Variants in CEP170B observed in about 807,000 individuals in gnomAD.
CEP170B encodes the protein centrosomal protein 170B.
Under a neutral mutation model 120.6 loss-of-function variants are expected in CEP170B, and 55 were observed. The observed-to-expected ratio is 0.46, with a 90% confidence interval of 0.37 to 0.57. The LOEUF (loss-of-function observed/expected upper bound fraction) is 0.57, where lower values mean the gene tolerates loss of function less well. Among genes scored for constraint, CEP170B ranks in the 20% least tolerant of loss-of-function variants. The pLI is 0.00. For missense variants in CEP170B, 2,212 were observed against 2,253.3 expected (o/e 0.98, Z 0.37); for synonymous variants, 1,033 against 954.5 (o/e 1.08, Z -1.52).
chr14:104,882,984 G>T, intron 7 of CEP170B, 51 bp from the exon 8 acceptor site: 1 of 1,468,052 alleles, frequency 6.8e-7, no homozygotes. Flanking sequence ...GAGGAGGGTG[G>T]TGGCAGGTGG....
chr14:104,893,381 G>A (rs1325429154), intron 14 of CEP170B, 142 bp from the exon 15 acceptor site: 11 of 1,140,552 alleles, frequency 9.6e-6, no homozygotes, highest in Middle Eastern at 3.0e-4. Flanking sequence ...CCTCCATGGC[G>A]GGGCAGGGGC....
Position 104,895,316 on chromosome 14 carries a change from A to G in CEP170B, c.*358A>G. 1 of 222,188 alleles carries G rather than the reference A, an allele frequency of 4.5e-6. No individual in the cohort carries two copies. The highest frequency in any genetic ancestry group is 1.0e-4 in the East Asian group (1 of 9,956). 13.8% of individuals were successfully genotyped at this position (222,188 alleles called of 1,614,324 possible). A position where few individuals can be genotyped will look rare whatever the true frequency, so the allele number is the denominator to read the frequency against. ...AGGAAAGAGTTGTTGGTGCCATTGC[A>G]GGTGCCCCCTCCAGGCCTGACTGGC... On this transcript the variant is annotated 3_prime_UTR_variant, in exon 19 of 19. Transcript: ENST00000414716.
At chr14:104,894,033 C>A (rs1226310217) in intron 16 of CEP170B, 184 bp downstream of exon 16, 3 of 678,726 alleles carry the variant, frequency 4.4e-6, no homozygotes, top group East Asian at 2.7e-5. Flanking sequence ...CTCAGAGGAG[C>A]CAGCGCCTCC....
chr14:104,880,018 T>C (rs1296771623), intron 5 of CEP170B, among the ~76,000 whole-genome samples: 1 of 152,042 alleles, frequency 6.6e-6, no homozygotes, highest in Non-Finnish European at 1.5e-5. Context: ...GCCCCCACTC[T>C]GATGATCGCA....
chr14:104,890,565 G>T (rs1896783168), intron 13 of CEP170B, among the ~76,000 whole-genome samples: 2 of 133,084 alleles, frequency 1.5e-5, no homozygotes, highest in East Asian at 2.2e-4. Context: ...TGGGTGGGTG[G>T]GTGGATGGAT....
chr14:104,885,291 G>T, intron 9 of CEP170B, 78 bp from the exon 10 acceptor site: 1 of 1,434,034 alleles, frequency 7.0e-7, no homozygotes, highest in East Asian at 2.6e-5. Context: ...CTGTGGCCTG[G>T]GGGTGGCCAG....
At chr14:104,880,566 A>G (rs997332788) in intron 6 of CEP170B, 141 bp downstream of exon 6, 3 of 1,263,712 alleles carry the variant, frequency 2.4e-6, no homozygotes, top group Non-Finnish European at 3.3e-6. Context: ...GCACACACCT[A>G]CCCTTGCACA....
intron 2 of CEP170B, among the ~76,000 whole-genome samples, chr14:104,875,234 C>T (rs1045109973): frequency 2.9e-4 from 44 of 152,214 alleles, no homozygotes; most frequent in African/African-American, 1.0e-3. Flanking sequence ...GGTTGCAGGC[C>T]GTCCTGTCCC....
intron 6 of CEP170B, 59 bp from the exon 7 acceptor site, chr14:104,882,669 C>A (rs548102299): frequency 1.3e-4 from 180 of 1,416,948 alleles, no homozygotes; most frequent in Admixed American, 3.6e-4. Context: ...TGCCAGTTCT[C>A]TGCTTTTCAC....
At chr14:104,893,940 C>A in intron 16 of CEP170B, 91 bp downstream of exon 16, 1 of 1,207,904 alleles carries the variant, frequency 8.3e-7, no homozygotes, top group Non-Finnish European at 1.2e-6. Context: ...TCAAGGGCAG[C>A]GGTTTCATGG....
intron 2 of CEP170B, among the ~76,000 whole-genome samples, chr14:104,872,176 CGTGTGTGTG>C (rs1566851899): frequency 8.5e-5 from 11 of 129,870 alleles, no homozygotes; most frequent in Middle Eastern, 6.0e-3. Context: ...CGTGTGTGTG[CGTGTGTGTG>C]CTGTGTGTGT....
In CEP170B at chr14:104,887,580, G is replaced by A; in HGVS notation, c.3341G>A (p.Ser1114Asn). Residue 1114 changes from serine to asparagine, a missense_variant, in exon 12 of 19, where the codon AGC (serine) becomes AAC (asparagine). By Grantham distance (46) the Ser-to-Asn change is conservative (BLOSUM62 1). Coordinates refer to ENST00000414716, the MANE Select transcript of CEP170B (RefSeq NM_001112726.3). ...KGPQALTRSN[S>N]LSTPRPTRAS... is the part of the protein sequence containing the mutation. ...CCGCAGGCCTTGACCCGCTCCAACA[G>A]CCTGTCCACCCCTCGCCCCACACGG... The A allele has an allele frequency of 1.3e-6, 2 of 1,593,016 alleles. No homozygotes were observed. The highest frequency in any genetic ancestry group is 1.7e-6 in the Non-Finnish European group (2 of 1,171,254).
Position 104,890,250 on chromosome 14 carries a change from G to GTGGA in CEP170B, c.3878+511_3878+514dup, listed in dbSNP as rs1156848046. ...GATGGATGAATAGGAGGGTGGGTGG[G>GTGGA]TGGATGGATGGATGGATGGATGAAT... On this transcript the variant is annotated intron_variant, in intron 13 of 18. Transcript: ENST00000414716. 5.9e-4 allele frequency among the ~76,000 whole-genome samples: 73 copies of GTGGA among 124,204 alleles called. 1 individual carries two copies. Among genetic ancestry groups the GTGGA allele is most frequent in the East Asian group, 2.3e-3 (8 of 3,408 alleles). The allele number at this position is 124,204 out of a possible 152,430, so 81.5% of individuals were successfully genotyped here.
At position 104,868,259 on chromosome 14, in the gene CEP170B, G is replaced by A. The variant is rs890173098; in HGVS notation, c.-27-165G>A. On this transcript the variant is annotated intron_variant, in intron 1 of 18. Coordinates refer to ENST00000414716, the MANE Select transcript of CEP170B (RefSeq NM_001112726.3). The surrounding 1 kb of genome is among the most constrained non-coding windows in gnomAD (Gnocchi z 5.9). ...GCAAAGGCCTGGCAGTGGGACTCGG[G>A]ACCATACCCAGGGAGGGCGGGTGGC... Among the ~76,000 whole-genome samples, 1 of 152,158 alleles carries A rather than the reference G, an allele frequency of 6.6e-6. No homozygotes were observed. Among genetic ancestry groups the A allele is most frequent in the Non-Finnish European group, 1.5e-5 (1 of 68,026 alleles).
chr14:104,893,880 C>G, intron 16 of CEP170B, 31 bp downstream of exon 16: 3 of 1,580,678 alleles, frequency 1.9e-6, no homozygotes, highest in Non-Finnish European at 2.6e-6. Context: ...AGGTGGACGC[C>G]CAGACACCAG....
chr14:104,886,387 G>C lies in CEP170B; in HGVS notation c.2148G>C (p.Glu716Asp), dbSNP rs1896507584. Reference sequence around the variant, plus strand: ...GGGCTGACAGCCCTGCGGGCCCAGAGAGCAGCAGGAGGAGTGGGCCTGGGC... The same window carrying C: ...GGGCTGACAGCCCTGCGGGCCCAGACAGCAGCAGGAGGAGTGGGCCTGGGC... The part of the protein sequence containing the change: ...SERADSPAGP[E>D]SSRRSGPGPP... Residue 716 changes from glutamate to aspartate, a missense_variant, in exon 12 of 19, where the codon GAG (glutamate) becomes GAC (aspartate). By Grantham distance (45) the Glu-to-Asp change is conservative. This residue lies in a region of CEP170B where 2,166 missense variants were observed against 2,166.7 expected (regional missense o/e 1.00). Coordinates refer to ENST00000414716, the MANE Select transcript of CEP170B (RefSeq NM_001112726.3). 4 of 1,582,470 alleles carry C rather than the reference G, an allele frequency of 2.5e-6. No homozygotes were observed.
At chr14:104,864,616 G>C (rs1895089818), upstream of CEP170B, among the ~76,000 whole-genome samples, 1 of 152,124 alleles carries the variant, frequency 6.6e-6, no homozygotes, top group Admixed American at 6.5e-5. This position sits in a 1 kb window ranked among gnomAD's most constrained non-coding sequence, Gnocchi z 5.9. Context: ...GCCAGGTCAG[G>C]TCCACTGTGG....
chr14:104,868,704 G>T lies in CEP170B; in HGVS notation c.105+149G>T. ...GGCTGGGCCTCTTAACTTGGGTCCC[G>T]GATGCACCGAGGGCTCTGGGGCTCC... On this transcript the variant is annotated intron_variant, in intron 2 of 18. Coordinates refer to ENST00000414716, the MANE Select transcript of CEP170B (RefSeq NM_001112726.3). The surrounding 1 kb of genome is among the most constrained non-coding windows in gnomAD (Gnocchi z 5.9). 1.3e-6 allele frequency: 1 copy of T among 741,644 alleles called. No individual in the cohort carries two copies. The highest frequency in any genetic ancestry group is 2.2e-6 in the Non-Finnish European group (1 of 459,968). 45.9% of individuals were successfully genotyped at this position (741,644 alleles called of 1,614,324 possible).
In CEP170B at chr14:104,868,890, G is replaced by A. The variant is rs1707053845; in HGVS notation, c.105+335G>A. 6.6e-6 allele frequency among the ~76,000 whole-genome samples: 1 copy of A among 152,180 alleles called. No homozygotes were observed. ...GGCGTCCTTTTGCAGAGAGGGAGCTGAGGCTGGGCTTTGGAAGGTCCTGGA... is the reference window on the plus strand; with the variant it reads ...GGCGTCCTTTTGCAGAGAGGGAGCTAAGGCTGGGCTTTGGAAGGTCCTGGA... On this transcript the variant is annotated intron_variant, in intron 2 of 18. Coordinates refer to ENST00000414716, the MANE Select transcript of CEP170B (RefSeq NM_001112726.3). The surrounding 1 kb of genome is among the most constrained non-coding windows in gnomAD (Gnocchi z 5.9).
Sources: gnomAD v4.1 joint callset for allele counts (sites outside exome capture counted in the v4.1 genomes callset) on GRCh38, gnomAD v4.1.1 for gene constraint, gnomAD v4.1.1 regional missense constraint, Gnocchi (gnomAD v3.1) non-coding constraint, MANE v1.5 for transcripts, NCBI Gene and HGNC (gene_info 2026-07-23, HGNC 2026-07-21) for gene names.